DAB1: variants seen among roughly 807,000 people sequenced by gnomAD.
The protein encoded by DAB1 is disabled homolog 1.
Under a neutral mutation model 64.6 loss-of-function variants are expected in DAB1, and 15 were observed. The observed-to-expected ratio is 0.23, with a 90% CI of 0.16 to 0.36. DAB1 has a LOEUF of 0.36. DAB1 is among the 10% of genes least tolerant of loss of function. DAB1 has a pLI of 1.00. For missense variants in DAB1, 596 were observed against 706.7 expected (o/e 0.84, Z 1.78); for synonymous variants, 235 against 251.9 (o/e 0.93, Z 0.64).
intron 3 of DAB1, among the ~76,000 whole-genome samples, chr1:58,493,959 A>T (rs1418864690): frequency 6.8e-6 from 1 of 146,714 alleles, no homozygotes; most frequent in Non-Finnish European, 1.5e-5. Context: ...CTCATTGCCA[A>T]GTCAATCCTA....
chr1:57,980,910 T>TAC (rs1207109985), intron 5 of DAB1, among the ~76,000 whole-genome samples: 31 of 150,608 alleles, frequency 2.1e-4, no homozygotes, highest in Non-Finnish European at 3.4e-4. Context: ...TGTATATATA[T>TAC]ATACACACAC....
intron 1 of DAB1, among the ~76,000 whole-genome samples, chr1:57,376,589 A>G (rs1403758560): frequency 2.0e-5 from 3 of 152,152 alleles, no homozygotes; most frequent in Admixed American, 6.5e-5. Flanking sequence ...ATAAACAAAT[A>G]CCTCTTGCTT....
chr1:57,940,916 A>G (rs1645095072), intron 5 of DAB1, among the ~76,000 whole-genome samples: 1 of 152,248 alleles, frequency 6.6e-6, no homozygotes, highest in Non-Finnish European at 1.5e-5. Flanking sequence ...GATGGGGAGA[A>G]AAAAACCCTA....
chr1:58,240,437 T>G (rs150940369), intron 4 of DAB1, among the ~76,000 whole-genome samples: 1 of 152,290 alleles, frequency 6.6e-6, no homozygotes, highest in East Asian at 1.9e-4. Flanking sequence ...TGGAATAAAT[T>G]TAGACCTTAC....
At chr1:57,380,374 C>A (rs978522204) in intron 1 of DAB1, among the ~76,000 whole-genome samples, 1 of 152,180 alleles carries the variant, frequency 6.6e-6, no homozygotes, top group Non-Finnish European at 1.5e-5. Flanking sequence ...TTAATCTCTT[C>A]TGTTACCACA....
intron 4 of DAB1, among the ~76,000 whole-genome samples, chr1:58,260,443 A>G (rs772198929): frequency 6.6e-6 from 1 of 152,158 alleles, no homozygotes; most frequent in Non-Finnish European, 1.5e-5. Flanking sequence ...CTCTTCTCCC[A>G]GCCATAGGCT....
In DAB1 at chr1:57,291,018, T is replaced by A; in HGVS notation, c.13A>T (p.Thr5Ser). MSTE[T>S]ELQVAVKTSA... Reference sequence around the variant, plus strand: ...GTTTTCACAGCTACTTGAAGTTCTGTCTCAGTTGACATCCTACTTAATCCT... The same window carrying A: ...GTTTTCACAGCTACTTGAAGTTCTGACTCAGTTGACATCCTACTTAATCCT... The change falls in exon 2 of 15, where the codon ACA becomes TCA. Residue 5 changes from threonine (T) to serine (S), a missense_variant. Around this residue, in one of 3 missense-constraint regions of DAB1, gnomAD observed 43 missense variants for 39.6 expected, o/e 1.09. Coordinates refer to ENST00000371236, the MANE Select transcript of DAB1 (RefSeq NM_001365792.1). 1 of 1,611,874 alleles carries A rather than the reference T, an allele frequency of 6.2e-7. No individual in the cohort carries two copies. The highest frequency in any genetic ancestry group is 8.5e-7 in the Non-Finnish European group (1 of 1,178,828).
In DAB1 at chr1:57,431,143, C is replaced by CA. The variant is rs77701798; in HGVS notation, n.626-139978dup. On this transcript the variant is annotated intron_variant and non_coding_transcript_variant, in intron 7 of 20. Transcript: ENST00000485760. Reference sequence around the variant, plus strand: ...AAGAAAAAGTATTTCAGGCCAAAAACAAAAAAAAAAAAAAGAAAAACAAAA... The same window carrying CA: ...AAGAAAAAGTATTTCAGGCCAAAAACAAAAAAAAAAAAAAAGAAAAACAAAA... Among the ~76,000 whole-genome samples, 924 of 96,388 alleles carry CA rather than the reference C, an allele frequency of 9.6e-3. 13 individuals carry two copies. The highest frequency in any genetic ancestry group is 0.092 in the South Asian group (273 of 2,962). 63.2% of individuals were successfully genotyped at this position (96,388 alleles called of 152,430 possible).
chr1:57,040,192 G>C (rs1647564158), intron 9 of DAB1, among the ~76,000 whole-genome samples: 1 of 152,062 alleles, frequency 6.6e-6, no homozygotes, highest in Non-Finnish European at 1.5e-5. Flanking sequence ...TACATCGTGG[G>C]GTTGGGGAAG....
At chr1:57,630,979 T>C (rs1233254608) in intron 7 of DAB1, among the ~76,000 whole-genome samples, 1 of 152,190 alleles carries the variant, frequency 6.6e-6, no homozygotes, top group Non-Finnish European at 1.5e-5. Flanking sequence ...TAATTATTAC[T>C]GCAGTTCAAA....
At chr1:58,110,457 T>A (rs1434488892) in intron 5 of DAB1, among the ~76,000 whole-genome samples, 1 of 152,218 alleles carries the variant, frequency 6.6e-6, no homozygotes, top group African/African-American at 2.4e-5. Context: ...ACTGAGCACC[T>A]AGCTTGAGTC....
chr1:58,190,735 G>T (rs1657342134), intron 4 of DAB1, among the ~76,000 whole-genome samples: 1 of 152,186 alleles, frequency 6.6e-6, no homozygotes, highest in African/African-American at 2.4e-5. Flanking sequence ...GAATGAAAAG[G>T]GACACTGCCA....
At position 58,499,477 on chromosome 1, in the gene DAB1, T is replaced by TATAGATAGATAGATAGATAGATAGATAG. The variant is rs60917151; in HGVS notation, n.257+6555_257+6582dup. On this transcript the variant is annotated intron_variant and non_coding_transcript_variant, in intron 3 of 20. Transcript: ENST00000485760. ...TCCAGCCTAGGGAACAAAGCCAGACTATAGATAGATAGATAGATAGATAGA... is the reference window on the plus strand; with the variant it reads ...TCCAGCCTAGGGAACAAAGCCAGACTATAGATAGATAGATAGATAGATAGATAGATAGATAGATAGATAGATAGATAGA... 4.0e-3 allele frequency among the ~76,000 whole-genome samples: 568 copies of TATAGATAGATAGATAGATAGATAGATAG among 143,764 alleles called. 2 individuals carry two copies. The highest frequency in any genetic ancestry group is 7.6e-3 in the African/African-American group (291 of 38,196). The allele number at this position is 143,764 out of a possible 152,430, so 94.3% of individuals were successfully genotyped here. A position where few individuals can be genotyped will look rare whatever the true frequency, so the allele number is the denominator to read the frequency against.
At chr1:57,401,037 C>T (rs1683203157) in intron 1 of DAB1, among the ~76,000 whole-genome samples, 1 of 148,148 alleles carries the variant, frequency 6.8e-6, no homozygotes, top group African/African-American at 2.5e-5. Flanking sequence ...ACCAAAAAGG[C>T]CATATTTTGA....
At chr1:57,821,280 T>C (rs1057337442), downstream of DAB1, among the ~76,000 whole-genome samples, 4 of 151,692 alleles carry the variant, frequency 2.6e-5, no homozygotes, top group Non-Finnish European at 5.9e-5. Flanking sequence ...GAAGGTACAC[T>C]CAATAAGGAA....
intron 7 of DAB1, among the ~76,000 whole-genome samples, chr1:57,614,868 C>CTTTTTT (rs34907824): frequency 1.2e-3 from 48 of 38,750 alleles, no homozygotes; most frequent in African/African-American, 2.1e-3. Context: ...TTCTTTCTTT[C>CTTTTTT]TTTTTTTTTT....
chr1:58,250,530 C>G (rs1449627631), intron 4 of DAB1, among the ~76,000 whole-genome samples: 1 of 152,228 alleles, frequency 6.6e-6, no homozygotes, highest in Non-Finnish European at 1.5e-5. Flanking sequence ...CCACATCTTT[C>G]ATACCTTATA....
At chr1:57,061,835 C>G (rs940278232) in intron 9 of DAB1, among the ~76,000 whole-genome samples, 1 of 152,156 alleles carries the variant, frequency 6.6e-6, no homozygotes, top group Admixed American at 6.5e-5. Flanking sequence ...GAACAGACAA[C>G]AGTGTTCCAG....
chr1:57,952,143 G>A lies in DAB1; in HGVS notation n.388-67981C>T, dbSNP rs114127614. Among the ~76,000 whole-genome samples, 942 of 151,626 alleles carry A rather than the reference G, an allele frequency of 6.2e-3. 9 individuals carry two copies. Among genetic ancestry groups the A allele is most frequent in the African/African-American group, 0.022 (900 of 41,296 alleles). On this transcript the variant is annotated intron_variant and non_coding_transcript_variant, in intron 5 of 20. Coordinates refer to the DAB1 transcript ENST00000485760. ...TTTTTTTTTCTTTGCCTCCAGGAACGACCACATGAATAAGTTCTGAACAAT... is the reference window on the plus strand; with the variant it reads ...TTTTTTTTTCTTTGCCTCCAGGAACAACCACATGAATAAGTTCTGAACAAT...
Sources: gnomAD v4.1 joint callset for allele counts (sites outside exome capture counted in the v4.1 genomes callset) on GRCh38, gnomAD v4.1.1 for gene constraint, gnomAD v4.1.1 regional missense constraint, MANE v1.5 for transcripts, NCBI Gene and HGNC (gene_info 2026-07-23, HGNC 2026-07-21) for gene names.